Variants in VWA8 observed in about 807,000 individuals in gnomAD.
VWA8 encodes the protein von Willebrand factor A domain-containing protein 8.
A neutral mutation model predicts 241.5 loss-of-function variants in VWA8; 221 were observed. That is an observed-to-expected ratio of 0.91 (90% CI 0.82 to 1.02). VWA8 has a LOEUF of 1.02. Among genes scored for constraint, VWA8 ranks in the 50% least tolerant of loss-of-function variants. The probability of loss-of-function intolerance (pLI) is 0.00; values close to 1 mark genes in which losing one functional copy is unlikely to be tolerated. For missense variants in VWA8, 2,322 were observed against 2,328.7 expected, an observed-to-expected ratio of 1.00 and a Z score of 0.06; for synonymous variants, 852 against 827.1, an observed-to-expected ratio of 1.03 and a Z score of -0.52.
At chr13:41,618,038 T>C (rs1490283417) in intron 37 of VWA8, among the ~76,000 whole-genome samples, 3 of 152,194 alleles carry the variant, frequency 2.0e-5, no homozygotes, top group Admixed American at 6.5e-5. Context: ...TTCTAGATCC[T>C]TGAGGAACTG....
intron 2 of VWA8, among the ~76,000 whole-genome samples, chr13:41,929,461 C>CA (rs1877005806): frequency 1.3e-5 from 2 of 152,054 alleles, no homozygotes; most frequent in South Asian, 4.1e-4. Context: ...CCCTGTGTTA[C>CA]AAATTATGTG....
chr13:41,861,972 A>T (rs1236920838), intron 12 of VWA8, among the ~76,000 whole-genome samples: 4 of 152,210 alleles, frequency 2.6e-5, no homozygotes, highest in African/African-American at 4.8e-5. Context: ...GACTCAAAAA[A>T]CAGCCTGAAT....
At chr13:41,583,775 G>A (rs2044400014) in intron 42 of VWA8, among the ~76,000 whole-genome samples, 1 of 152,154 alleles carries the variant, frequency 6.6e-6, no homozygotes, top group African/African-American at 2.4e-5. Context: ...GGCTGTTCCA[G>A]ACTAAAAGAG....
At chr13:41,692,743 A>T (rs2045186639) in intron 30 of VWA8, 119 bp downstream of exon 30, 2 of 660,556 alleles carry the variant, frequency 3.0e-6, no homozygotes, top group Admixed American at 2.9e-5. Context: ...CATAACAGGA[A>T]ATTCTCTTGT....
chr13:41,794,259 T>G (rs1008890746), intron 17 of VWA8, among the ~76,000 whole-genome samples: 1 of 152,150 alleles, frequency 6.6e-6, no homozygotes, highest in Admixed American at 6.5e-5. Flanking sequence ...ATTCTTCTTA[T>G]CCATGAGTAT....
In VWA8 at chr13:41,832,985, G is replaced by A. The variant is rs191232564; in HGVS notation, c.1586+386C>T. On this transcript the variant is annotated intron_variant, in intron 13 of 44. Coordinates refer to ENST00000379310, the MANE Select transcript of VWA8 (RefSeq NM_015058.2). ...TCCAACAAGACCAACCAATAATTAA[G>A]ATCTATGATTGATAAGGAGTGTGTA... Among the ~76,000 whole-genome samples, 3 of 151,760 alleles carry A rather than the reference G, an allele frequency of 2.0e-5. No homozygotes were observed. The East Asian group carries it at 5.8e-4, about 29-fold the overall frequency.
intron 12 of VWA8, among the ~76,000 whole-genome samples, chr13:41,847,141 T>G (rs745769086): frequency 6.6e-6 from 1 of 152,016 alleles, no homozygotes; most frequent in Non-Finnish European, 1.5e-5. Context: ...AATCACTGTT[T>G]CAGGTGCTGA....
rs369769622 is a variant in VWA8, at chr13:41,865,925, C to G, written c.1324G>C (p.Asp442His). ...AEMMQSHMVK[D>H]ICLIGGKGCG... ...ACCTTTCCTCCAATTAAACATATAT[C>G]TTTAACCATGTGAGACTGCATCATT... The change falls in exon 11 of 45, where the codon GAT (aspartate) becomes CAT (histidine). Residue 442 changes from aspartate to histidine, a missense_variant. By Grantham distance (81) the Asp-to-His change is moderately conservative (BLOSUM62 -1). Transcript: ENST00000379310. The G allele has an allele frequency of 8.6e-5, 139 of 1,614,092 alleles. No individual in the cohort carries two copies. The highest frequency in any genetic ancestry group is 1.2e-4 in the Non-Finnish European group (137 of 1,180,050).
At chr13:41,919,735 A>G (rs1056626090) in intron 2 of VWA8, among the ~76,000 whole-genome samples, 23 of 152,090 alleles carry the variant, frequency 1.5e-4, no homozygotes, top group African/African-American at 5.3e-4. Context: ...CACCACACCC[A>G]TGCAACATCC....
chr13:41,588,178 G>A (rs1022581419), intron 41 of VWA8, among the ~76,000 whole-genome samples: 1 of 152,126 alleles, frequency 6.6e-6, no homozygotes, highest in Non-Finnish European at 1.5e-5. Context: ...TATGTGATGG[G>A]GGTCTGGCAA....
chr13:41,905,624 C>T (rs1875672951), intron 4 of VWA8, among the ~76,000 whole-genome samples: 2 of 151,994 alleles, frequency 1.3e-5, no homozygotes, highest in African/African-American at 4.8e-5. Context: ...TAATCTGGAA[C>T]CATTCCTTAC....
chr13:41,741,902 C>G (rs762498203), intron 21 of VWA8, among the ~76,000 whole-genome samples: 15 of 152,098 alleles, frequency 9.9e-5, no homozygotes, highest in Admixed American at 1.3e-4. Flanking sequence ...AGTGGGGACA[C>G]AGAAGAGAAG....
intron 37 of VWA8, among the ~76,000 whole-genome samples, chr13:41,630,507 A>T (rs779837062): frequency 3.3e-5 from 5 of 151,974 alleles, no homozygotes; most frequent in Non-Finnish European, 7.4e-5. Context: ...ATAAACATTT[A>T]AAAACATTTG....
At chr13:41,675,419 C>T (rs1179099050) in intron 35 of VWA8, 123 bp from the exon 36 acceptor site, 4 of 624,086 alleles carry the variant, frequency 6.4e-6, no homozygotes, top group Non-Finnish European at 1.1e-5. Context: ...TGACAAGGTA[C>T]TGGGTCAACC....
At chr13:41,825,103 T>G (rs565523023) in intron 14 of VWA8, among the ~76,000 whole-genome samples, 8 of 152,292 alleles carry the variant, frequency 5.3e-5, no homozygotes, top group Middle Eastern at 3.4e-3. Flanking sequence ...AGACCTGCAG[T>G]CTAACACTAA....
chr13:41,866,392 C>CGCGT (rs1025093003), intron 10 of VWA8, among the ~76,000 whole-genome samples: 8 of 148,900 alleles, frequency 5.4e-5, no homozygotes, highest in African/African-American at 1.5e-4. Context: ...TGTGTGTGCG[C>CGCGT]GTGTGTGTGT....
chr13:41,867,077 G>A (rs1015415140), intron 10 of VWA8, among the ~76,000 whole-genome samples: 1 of 152,184 alleles, frequency 6.6e-6, no homozygotes, highest in Admixed American at 6.5e-5. Flanking sequence ...TATCAACATG[G>A]AAAGCTAACT....
chr13:41,653,913 A>G (rs1179112934), intron 37 of VWA8, among the ~76,000 whole-genome samples: 1 of 152,210 alleles, frequency 6.6e-6, no homozygotes, highest in Non-Finnish European at 1.5e-5. Flanking sequence ...TAAACTCAAA[A>G]TGGATTAAAG....
intron 26 of VWA8, 86 bp from the exon 27 acceptor site, chr13:41,703,497 C>A (rs142952059): frequency 8.6e-7 from 1 of 1,156,338 alleles, no homozygotes; most frequent in Non-Finnish European, 1.3e-6. Flanking sequence ...ATCAACCACA[C>A]AAATAAATTT....
Sources: allele counts gnomAD v4.1 joint callset (sites outside exome capture counted in the v4.1 genomes callset), GRCh38; gene constraint gnomAD v4.1.1; transcripts MANE v1.5; gene names NCBI Gene and HGNC (gene_info 2026-07-23, HGNC 2026-07-21).